Variants in PCDH9 observed in about 807,000 individuals in gnomAD.
PCDH9 encodes the protein protocadherin-9.
A neutral mutation model predicts 70.6 loss-of-function variants in PCDH9; 24 were observed. The observed-to-expected ratio is 0.34, with a 90% CI of 0.25 to 0.48. The LOEUF is 0.48. Ranked by LOEUF, PCDH9 falls within the 20% of genes least tolerant of loss-of-function variation. The pLI, the probability that PCDH9 is intolerant of heterozygous loss-of-function variation, is 0.99. For missense variants in PCDH9, 1,281 were observed against 1,503.6 expected (o/e 0.85, Z 2.45); for synonymous variants, 562 against 558.5 (o/e 1.01, Z -0.09).
intron 4 of PCDH9, among the ~76,000 whole-genome samples, chr13:66,570,341 T>C (rs1350353600): frequency 1.3e-5 from 2 of 152,114 alleles, no homozygotes; most frequent in Non-Finnish European, 2.9e-5. Flanking sequence ...CTGTTCAGCA[T>C]TTTGACTACT....
intron 4 of PCDH9, among the ~76,000 whole-genome samples, chr13:66,381,459 T>G (rs1015403616): frequency 6.6e-6 from 1 of 152,192 alleles, no homozygotes; most frequent in Non-Finnish European, 1.5e-5. Flanking sequence ...AACAATTTTA[T>G]TCTTGTTACA....
intron 3 of PCDH9, among the ~76,000 whole-genome samples, chr13:66,806,891 G>T (rs2080419176): frequency 6.6e-6 from 1 of 152,014 alleles, no homozygotes; most frequent in South Asian, 2.1e-4. Context: ...GGAAAACAGG[G>T]CCATTTGTAT....
intron 3 of PCDH9, among the ~76,000 whole-genome samples, chr13:66,634,069 A>C (rs555793724): frequency 6.6e-6 from 1 of 152,336 alleles, no homozygotes; most frequent in Non-Finnish European, 1.5e-5. Flanking sequence ...GCACTTTATA[A>C]GTGAGAATAA....
intron 2 of PCDH9, among the ~76,000 whole-genome samples, chr13:67,033,665 T>A (rs7987190): frequency 0.29 from 43,712 of 151,954 alleles, 7,164 homozygotes; most frequent in African/African-American, 0.44. Flanking sequence ...TCACAAATGC[T>A]ATACTCGTAC....
intron 2 of PCDH9, among the ~76,000 whole-genome samples, chr13:67,108,530 C>T (rs1456159578): frequency 6.6e-6 from 1 of 152,008 alleles, no homozygotes; most frequent in Non-Finnish European, 1.5e-5. Flanking sequence ...CATCTAAGGC[C>T]AATAATAATA....
intron 2 of PCDH9, among the ~76,000 whole-genome samples, chr13:67,115,358 G>A (rs1302818934): frequency 6.6e-6 from 1 of 152,166 alleles, no homozygotes; most frequent in African/African-American, 2.4e-5. Flanking sequence ...CCTGATACAG[G>A]GATGCTTTGC....
At chr13:66,517,404 C>G (rs9529080) in intron 4 of PCDH9, among the ~76,000 whole-genome samples, 145,754 of 152,164 alleles carry the variant, frequency 0.96, 70,145 homozygotes, top group East Asian at 1. Context: ...AATTGTGAGA[C>G]TAAAAATACT....
At chr13:66,308,647 T>C (rs1199236239) in intron 4 of PCDH9, among the ~76,000 whole-genome samples, 1 of 151,978 alleles carries the variant, frequency 6.6e-6, no homozygotes, top group African/African-American at 2.4e-5. Context: ...TATGAAAAAC[T>C]GAGTAGGGTT....
intron 4 of PCDH9, among the ~76,000 whole-genome samples, chr13:66,575,623 T>C (rs539923385): frequency 1.3e-5 from 2 of 152,190 alleles, no homozygotes; most frequent in South Asian, 4.2e-4. Flanking sequence ...GCCTCAGAAT[T>C]CCTTCTTCTC....
At chr13:66,573,619 G>A (rs117796262) in intron 4 of PCDH9, among the ~76,000 whole-genome samples, 2,040 of 152,206 alleles carry the variant, frequency 0.013, 37 homozygotes, top group East Asian at 0.039. Context: ...GAGATGCTAC[G>A]TTAAGACAGT....
intron 3 of PCDH9, among the ~76,000 whole-genome samples, chr13:66,853,295 A>C (rs2081344489): frequency 6.6e-6 from 1 of 151,856 alleles, no homozygotes; most frequent in Non-Finnish European, 1.5e-5. Flanking sequence ...TAAAATGACT[A>C]GGAATCTTTC....
chr13:66,581,309 C>T (rs2076888835), intron 4 of PCDH9, among the ~76,000 whole-genome samples: 4 of 152,070 alleles, frequency 2.6e-5, no homozygotes, highest in Admixed American at 6.6e-5. Context: ...TATGGATGAG[C>T]TAAAATAAGC....
At chr13:66,995,469 G>T (rs2084094456) in intron 2 of PCDH9, among the ~76,000 whole-genome samples, 1 of 151,818 alleles carries the variant, frequency 6.6e-6, no homozygotes, top group Non-Finnish European at 1.5e-5. Context: ...CACCACTAAG[G>T]GAAAAAAACA....
intron 2 of PCDH9, among the ~76,000 whole-genome samples, chr13:67,086,001 T>G (rs775467644): frequency 6.6e-6 from 1 of 152,152 alleles, no homozygotes; most frequent in Non-Finnish European, 1.5e-5. Context: ...GCCTATAGTT[T>G]TCTCCCTAAT....
At chr13:66,525,027 T>C (rs896701082) in intron 4 of PCDH9, among the ~76,000 whole-genome samples, 4 of 152,184 alleles carry the variant, frequency 2.6e-5, no homozygotes, top group African/African-American at 9.6e-5. Flanking sequence ...CTTGCATGCC[T>C]CAGGAGAAAA....
intron 2 of PCDH9, among the ~76,000 whole-genome samples, chr13:66,920,151 G>T (rs1486172173): frequency 6.6e-6 from 1 of 151,092 alleles, no homozygotes. Context: ...TAAGAGATAT[G>T]ACTTAATAAA....
At chr13:66,483,333 A>C (rs1958875372) in intron 4 of PCDH9, among the ~76,000 whole-genome samples, 1 of 152,278 alleles carries the variant, frequency 6.6e-6, no homozygotes, top group African/African-American at 2.4e-5. Context: ...AGAGAAGGTT[A>C]TATTTGTGTC....
chr13:66,405,612 A>G (rs1432744096), intron 4 of PCDH9, among the ~76,000 whole-genome samples: 2 of 152,176 alleles, frequency 1.3e-5, no homozygotes, highest in African/African-American at 2.4e-5. Context: ...AAGTTATTAC[A>G]TTGCTACAGA....
At position 66,447,844 on chromosome 13, in the gene PCDH9, C is replaced by T. The variant is rs74095205; in HGVS notation, c.3341-142816G>A. Among the ~76,000 whole-genome samples the T allele has an allele frequency of 8.1e-3, 1,236 of 152,188 alleles. 14 individuals are homozygous for T. The highest frequency in any genetic ancestry group is 0.028 in the African/African-American group (1,177 of 41,532). ...AATTAGATTATTATCTTGAATGTAT[C>T]TTTGCCATATTGCAAATCCAACTCA... On this transcript the variant is annotated intron_variant, in intron 4 of 4. Transcript: ENST00000377865.
Sources: gnomAD v4.1 joint callset for allele counts (sites outside exome capture counted in the v4.1 genomes callset) on GRCh38, gnomAD v4.1.1 for gene constraint, MANE v1.5 for transcripts, NCBI Gene and HGNC (gene_info 2026-07-23, HGNC 2026-07-21) for gene names.